The following COPZ2 variants were observed in gnomAD, a reference collection of about 807,000 sequenced individuals.
The protein encoded by COPZ2 is coatomer subunit zeta-2.
A neutral mutation model predicts 33.2 loss-of-function variants in COPZ2; 30 were observed. That is an observed-to-expected ratio of 0.90 (90% CI 0.68 to 1.23). The LOEUF is 1.23. Ranked by LOEUF, COPZ2 falls within the 50% of genes most tolerant of loss-of-function variation. COPZ2 has a pLI of 0.00. For missense variants in COPZ2, 263 were observed against 262.4 expected, an observed-to-expected ratio of 1.00 and a Z score of -0.02; for synonymous variants, 89 against 102.6, an observed-to-expected ratio of 0.87 and a Z score of 0.80.
chr17:48,047,986 T>G, the COPZ2 span: 1 of 151,390 alleles, frequency 6.6e-6, no homozygotes, highest in African/African-American at 2.4e-5. Flanking sequence ...AGGCCTTCAT[T>G]CCCCCGCCAC....
At chr17:48,043,495 G>A in the COPZ2 span, 1 of 984,614 alleles carries the variant, frequency 1.0e-6, no homozygotes, top group Non-Finnish European at 1.2e-6. Context: ...TGGAATATGA[G>A]GCGTGGAAGT....
chr17:48,029,029 G>A, intron 7 of COPZ2, 96 bp downstream of exon 7: 9 of 1,157,310 alleles, frequency 7.8e-6, no homozygotes, highest in Non-Finnish European at 1.1e-5. Flanking sequence ...TCTGCTAGAG[G>A]AGCTTGGGCT....
upstream of COPZ2, among the ~76,000 whole-genome samples, chr17:48,040,058 G>C (rs927019038): frequency 6.6e-6 from 1 of 151,864 alleles, no homozygotes; most frequent in East Asian, 1.9e-4. Flanking sequence ...GGAGGTGGAG[G>C]TTGCAGTGAC....
chr17:48,030,337 C>T (rs1338640940), intron 6 of COPZ2, among the ~76,000 whole-genome samples: 2 of 136,352 alleles, frequency 1.5e-5, no homozygotes, highest in Non-Finnish European at 3.3e-5. Context: ...CACAAAGAAA[C>T]AAACAAAAAA....
At chr17:48,029,253 T>G (rs1296056843) in intron 6 of COPZ2, 77 bp from the exon 7 acceptor site, 26 of 1,375,426 alleles carry the variant, frequency 1.9e-5, no homozygotes, top group Non-Finnish European at 2.6e-5. Context: ...TTGCCAAGCC[T>G]CTTCCCTCTC....
chr17:48,035,524 T>C (rs2036966539), intron 2 of COPZ2, among the ~76,000 whole-genome samples: 1 of 152,114 alleles, frequency 6.6e-6, no homozygotes, highest in East Asian at 1.9e-4. Context: ...GCCTCCCGAG[T>C]AGGTGGGACT....
the COPZ2 span, chr17:48,047,209 C>A: frequency 6.6e-6 from 1 of 152,232 alleles, no homozygotes; most frequent in Non-Finnish European, 1.5e-5. Context: ...AATGACTCAC[C>A]TATAAATAAT....
upstream of COPZ2, among the ~76,000 whole-genome samples, chr17:48,042,354 G>C (rs1195097917): frequency 1.3e-5 from 2 of 152,086 alleles, no homozygotes; most frequent in Admixed American, 6.5e-5. Flanking sequence ...GGCTGGTCTT[G>C]AACTCCTGAC....
the COPZ2 span, chr17:48,045,705 GCTCA>G: frequency 1.3e-5 from 2 of 152,338 alleles, no homozygotes; most frequent in African/African-American, 2.4e-5. Flanking sequence ...ACATGCATGC[GCTCA>G]CTTTTTCCAG....
the COPZ2 span, chr17:48,047,490 A>G: frequency 6.6e-6 from 1 of 152,198 alleles, no homozygotes; most frequent in African/African-American, 2.4e-5. Context: ...TTTTGGCAAT[A>G]TAACCAGATG....
chr17:48,033,447 C>T (rs2036929739), intron 3 of COPZ2, 145 bp from the exon 4 acceptor site: 5 of 637,522 alleles, frequency 7.8e-6, no homozygotes, highest in Admixed American at 2.3e-5. Context: ...GGGACACTAC[C>T]ATCAGGCAGC....
chr17:48,032,804 C>A lies in COPZ2; in HGVS notation c.361-63G>T, dbSNP rs983974545. On this transcript the variant is annotated intron_variant, in intron 4 of 8. Transcript: ENST00000621465. ...TTGAGATTGAGAAGGTCAAAAGAAG[C>A]ACTTGGAGCCCACCTGTGCGGGCAG... is the stretch of plus-strand genomic sequence containing the variant. 32 of 1,351,450 alleles carry A rather than the reference C, an allele frequency of 2.4e-5. No homozygotes were observed. The South Asian group carries it at 2.9e-4, about 12-fold the overall frequency. The allele number at this position is 1,351,450 out of a possible 1,614,324, so 83.7% of individuals were successfully genotyped here.
chr17:48,036,882 A>G lies in COPZ2; in HGVS notation c.155T>C (p.Leu52Pro), dbSNP rs1439843475. ...CAGCAGCCGGCGCCCGTCATTATCTAGGATGAAAACAGCCTTGATGGTGTA... is the reference window on the plus strand; with the variant it reads ...CAGCAGCCGGCGCCCGTCATTATCTGGGATGAAAACAGCCTTGATGGTGTA... ...SLYTIKAVFI[L>P]DNDGRRLLAK... Residue 52 changes from leucine (L) to proline (P), a missense_variant, in exon 2 of 9, where the codon CTA becomes CCA. By Grantham distance (98) the Leu-to-Pro change is moderately conservative. Coordinates refer to ENST00000621465, the MANE Select transcript of COPZ2 (RefSeq NM_016429.4). 3.7e-6 allele frequency: 6 copies of G among 1,613,950 alleles called. No individual in the cohort carries two copies. The South Asian group carries it at 6.6e-5, about 18-fold the overall frequency.
At position 48,037,155 on chromosome 17, in the gene COPZ2, GCAGAAGGTC is replaced by G. The variant is rs1567743650; in HGVS notation, c.112-239_112-231del. 1.3e-6 allele frequency: 1 copy of G among 757,304 alleles called. No individual in the cohort carries two copies. Among genetic ancestry groups the G allele is most frequent in the South Asian group, 1.4e-5 (1 of 73,274 alleles). 46.9% of individuals were successfully genotyped at this position (757,304 alleles called of 1,614,324 possible). A position where few individuals can be genotyped will look rare whatever the true frequency, so the allele number is the denominator to read the frequency against. ...CGAGTGGGCGCTGTGCCCGTTGGGT[GCAGAAGGTC>G]CTTCCGGGCCCAAGTTCTGTCATGC... On this transcript the variant is annotated intron_variant, in intron 1 of 8. Transcript: ENST00000621465. This position sits in a 1 kb window ranked among gnomAD's most constrained non-coding sequence, Gnocchi z 5.6.
the COPZ2 span, chr17:48,046,835 G>C: frequency 5.3e-5 from 8 of 152,284 alleles, no homozygotes; most frequent in East Asian, 1.5e-3. Context: ...GTATTTGAGT[G>C]TCTACTAAGT....
chr17:48,046,575 T>C, the COPZ2 span: 2 of 152,260 alleles, frequency 1.3e-5, no homozygotes, highest in African/African-American at 4.8e-5. Context: ...CCCAGTTCTA[T>C]GTTTAAAATA....
chr17:48,040,625 G>C (rs2037052731), upstream of COPZ2, among the ~76,000 whole-genome samples: 1 of 149,674 alleles, frequency 6.7e-6, no homozygotes, highest in Admixed American at 6.6e-5. Flanking sequence ...TAGAGACAGG[G>C]TTTCACCATG....
chr17:48,042,121 G>GCT (rs1555572440), upstream of COPZ2, among the ~76,000 whole-genome samples: 1 of 151,958 alleles, frequency 6.6e-6, no homozygotes, highest in African/African-American at 2.4e-5. Flanking sequence ...CACTGTTGTT[G>GCT]CTTTTTCTTT....
the COPZ2 span, among the ~76,000 whole-genome samples, chr17:48,043,321 G>A: frequency 6.6e-6 from 1 of 152,134 alleles, no homozygotes; most frequent in Non-Finnish European, 1.5e-5. Flanking sequence ...AGCTTGAAGG[G>A]GAGACCATTT....
Sources: allele counts gnomAD v4.1 joint callset (sites outside exome capture counted in the v4.1 genomes callset), GRCh38; gene constraint gnomAD v4.1.1; non-coding constraint Gnocchi (gnomAD v3.1); transcripts MANE v1.5; gene names NCBI Gene and HGNC (gene_info 2026-07-23, HGNC 2026-07-21).